The following KALRN variants were observed in gnomAD, a reference collection of about 807,000 sequenced individuals.
KALRN encodes the protein kalirin RhoGEF kinase, also known as kalirin.
KALRN carries 70 observed loss-of-function variants against 353.7 expected under a neutral mutation model. The ratio of observed to expected loss-of-function variants is 0.20; its 90% confidence interval spans 0.16 to 0.24. The LOEUF is 0.24. Ranked by LOEUF, KALRN falls within the 10% of genes least tolerant of loss-of-function variation. The pLI, the probability that KALRN is intolerant of heterozygous loss-of-function variation, is 1.00. For synonymous variants in KALRN, 1,391 were observed against 1,434.8 expected, an observed-to-expected ratio of 0.97 and a Z score of 0.69; for missense variants, 2,791 against 3,756.7, an observed-to-expected ratio of 0.74 and a Z score of 6.72.
intron 34 of KALRN, among the ~76,000 whole-genome samples, chr3:124,627,536 C>T (rs968457138): frequency 2.6e-5 from 4 of 152,194 alleles, no homozygotes; most frequent in African/African-American, 4.8e-5. Context: ...CGCCTGGTAA[C>T]GCAAGGCACA....
chr3:124,206,326 A>G (rs1458517727), intron 1 of KALRN, among the ~76,000 whole-genome samples: 3 of 152,172 alleles, frequency 2.0e-5, no homozygotes, highest in Non-Finnish European at 4.4e-5. Context: ...TGTGGAGGAC[A>G]TACATGTGGG....
intron 9 of KALRN, among the ~76,000 whole-genome samples, chr3:124,340,600 A>G (rs1022606264): frequency 3.9e-5 from 6 of 152,168 alleles, no homozygotes; most frequent in Admixed American, 6.5e-5. Flanking sequence ...GTGGTTTCCC[A>G]TGAGCTCAGA....
At chr3:124,120,961 GGTGCACCCT>G (rs2063951767) in intron 1 of KALRN, among the ~76,000 whole-genome samples, 1 of 150,712 alleles carries the variant, frequency 6.6e-6, no homozygotes, top group African/African-American at 2.4e-5. Context: ...TGGGCGTGGT[GGTGCACCCT>G]GTAATCCCAG....
intron 1 of KALRN, among the ~76,000 whole-genome samples, chr3:124,083,328 G>C (rs2060638552): frequency 6.6e-6 from 1 of 152,178 alleles, no homozygotes. Flanking sequence ...ACAAGATGTG[G>C]TGGGTGCAGA....
In KALRN at chr3:124,268,831, A is replaced by G; in HGVS notation, c.545A>G (p.His182Arg). 1 of 1,614,102 alleles carries G rather than the reference A, an allele frequency of 6.2e-7. No individual in the cohort carries two copies. The highest frequency in any genetic ancestry group is 8.5e-7 in the Non-Finnish European group (1 of 1,180,010). ...TTTGATGGCTCCCTGGACTACAACCATGAGGAGTGGATCGAACTGCGGCTC... is the reference window on the plus strand; with the variant it reads ...TTTGATGGCTCCCTGGACTACAACCGTGAGGAGTGGATCGAACTGCGGCTC... ...EEFDGSLDYN[H>R]EEWIELRLSL... Residue 182 changes from histidine (H) to arginine (R), a missense_variant, in exon 5 of 60, where the codon CAT becomes CGT. His to Arg is a conservative substitution (Grantham distance 29, BLOSUM62 0). Around this residue, in one of 11 missense-constraint regions of KALRN, gnomAD observed 366 missense variants for 489.2 expected, o/e 0.75. Coordinates refer to ENST00000682506, the MANE Select transcript of KALRN (RefSeq NM_001388419.1).
At chr3:124,163,066 C>T (rs1006944240) in intron 1 of KALRN, 2 of 152,208 alleles carry the variant, frequency 1.3e-5, no homozygotes, top group Non-Finnish European at 2.9e-5. Context: ...ACACTTACTT[C>T]ATAGATAAGA....
At chr3:124,320,247 C>G in intron 6 of KALRN, among the ~76,000 whole-genome samples, 1 of 152,158 alleles carries the variant, frequency 6.6e-6, no homozygotes, top group East Asian at 1.9e-4. Context: ...GTCGAGAGGA[C>G]AGGGCCCCTT....
intron 13 of KALRN, among the ~76,000 whole-genome samples, chr3:124,400,228 T>C (rs1470768595): frequency 2.0e-5 from 3 of 152,124 alleles, no homozygotes; most frequent in African/African-American, 7.2e-5. Context: ...TTTGCTTTAA[T>C]CCTAGGTCCA....
chr3:124,221,654 G>A (rs2077920433), intron 1 of KALRN, among the ~76,000 whole-genome samples: 1 of 152,180 alleles, frequency 6.6e-6, no homozygotes, highest in Admixed American at 6.5e-5. Flanking sequence ...TGGAGGAGGG[G>A]GAGGAGTCTA....
chr3:124,671,949 C>T (rs3772782), intron 48 of KALRN, 51 bp downstream of exon 48: 236,179 of 1,352,404 alleles, frequency 0.17, 21,167 homozygotes, highest in African/African-American at 0.21. Context: ...GGCATAGCCT[C>T]AGGGGTTACT....
At chr3:124,225,547 T>C (rs1200941559) in intron 1 of KALRN, among the ~76,000 whole-genome samples, 1 of 152,108 alleles carries the variant, frequency 6.6e-6, no homozygotes, top group Non-Finnish European at 1.5e-5. Flanking sequence ...TATTGACATT[T>C]ACTGGAGCCC....
rs1286376862 is a variant in KALRN, at chr3:124,439,173, C to T, written c.3198+136C>T. On this transcript the variant is annotated intron_variant, in intron 18 of 59. Coordinates refer to ENST00000682506, the MANE Select transcript of KALRN (RefSeq NM_001388419.1). ...TCTCTCTCTTTCTCTTTCTCCTCCT[C>T]CTCCTTCTTCTCCTTCTCTCTCTCT... The T allele has an allele frequency of 1.1e-5, 8 of 736,224 alleles. No homozygotes were observed. In the East Asian group the frequency reaches 2.0e-4, roughly 18 times the overall value. The allele number at this position is 736,224 out of a possible 1,614,324, so 45.6% of individuals were successfully genotyped here.
intron 6 of KALRN, among the ~76,000 whole-genome samples, chr3:124,311,849 C>T (rs1377725372): frequency 2.0e-5 from 3 of 152,192 alleles, no homozygotes; most frequent in East Asian, 3.8e-4. Flanking sequence ...ACATGTGTTA[C>T]AACATGGATG....
intron 14 of KALRN, among the ~76,000 whole-genome samples, chr3:124,419,159 A>G (rs1021547927): frequency 6.6e-6 from 1 of 151,952 alleles, no homozygotes; most frequent in Admixed American, 6.6e-5. Context: ...CATTGTTTCC[A>G]ATGATATACA....
intron 1 of KALRN, among the ~76,000 whole-genome samples, chr3:124,135,788 C>T (rs1466799437): frequency 3.3e-5 from 5 of 152,214 alleles, no homozygotes; most frequent in African/African-American, 9.6e-5. Context: ...ATTCTAAACA[C>T]AGCAGCCCAG....
intron 10 of KALRN, among the ~76,000 whole-genome samples, chr3:124,381,649 T>C (rs1401930703): frequency 6.6e-6 from 1 of 152,180 alleles, no homozygotes; most frequent in African/African-American, 2.4e-5. Context: ...TCCAACCTGA[T>C]TTTTTGCCAC....
At chr3:124,221,079 T>C (rs1369027046) in intron 1 of KALRN, among the ~76,000 whole-genome samples, 1 of 152,158 alleles carries the variant, frequency 6.6e-6, no homozygotes, top group African/African-American at 2.4e-5. Context: ...TCCCCAGGTG[T>C]CCACCCTGTT....
At chr3:124,254,096 A>T (rs188544329) in intron 3 of KALRN, among the ~76,000 whole-genome samples, 10 of 152,244 alleles carry the variant, frequency 6.6e-5, no homozygotes, top group Admixed American at 3.3e-4. Flanking sequence ...CATGAGGAGG[A>T]TGGTCCTTAT....
intron 1 of KALRN, among the ~76,000 whole-genome samples, chr3:124,196,366 C>T (rs1283611309): frequency 3.3e-5 from 5 of 152,256 alleles, no homozygotes; most frequent in East Asian, 1.9e-4. Context: ...GGGACTGCTG[C>T]TGCCATTTCC....
Sources: gnomAD v4.1 joint callset for allele counts (sites outside exome capture counted in the v4.1 genomes callset) on GRCh38, gnomAD v4.1.1 for gene constraint, gnomAD v4.1.1 regional missense constraint, MANE v1.5 for transcripts, NCBI Gene and HGNC (gene_info 2026-07-23, HGNC 2026-07-21) for gene names.